The following NUP210L variants were observed in gnomAD, a reference collection of about 807,000 sequenced individuals.
NUP210L encodes the protein nucleoporin 210 like.
In NUP210L, 74 loss-of-function variants were observed where a neutral mutation model predicts 208.5. That is an observed-to-expected ratio of 0.35 (90% CI 0.29 to 0.43). The LOEUF is 0.43. Ranked by LOEUF, NUP210L falls within the 20% of genes least tolerant of loss-of-function variation. The pLI is 1.00. For synonymous variants in NUP210L, 780 were observed against 816.9 expected (o/e 0.95, Z 0.77); for missense variants, 1,843 against 2,289.4 (o/e 0.81, Z 3.98).
At chr1:154,151,933 AC>A (rs1237099942) in intron 2 of NUP210L, among the ~76,000 whole-genome samples, 1 of 151,526 alleles carries the variant, frequency 6.6e-6, no homozygotes, top group Non-Finnish European at 1.5e-5. Flanking sequence ...TACTAAAAAT[AC>A]AAAAATTAGC....
chr1:154,011,608 C>T (rs1650923711), intron 34 of NUP210L, among the ~76,000 whole-genome samples: 1 of 151,102 alleles, frequency 6.6e-6, no homozygotes, highest in African/African-American at 2.4e-5. Context: ...AGCGATCCTC[C>T]CACCACAGCC....
intron 6 of NUP210L, among the ~76,000 whole-genome samples, chr1:154,136,361 A>T (rs888403305): frequency 6.6e-6 from 1 of 152,120 alleles, no homozygotes; most frequent in Admixed American, 6.6e-5. Context: ...CTGATGCAGG[A>T]GAATCGCTTG....
At chr1:154,104,248 TA>T (rs573333406) in intron 12 of NUP210L, 38 bp from the exon 13 acceptor site, 117 of 1,571,020 alleles carry the variant, frequency 7.4e-5, no homozygotes, top group Middle Eastern at 1.9e-4. Flanking sequence ...AAAGTTATGT[TA>T]AAAAAAAGTC....
chr1:154,074,075 C>T (rs185906376), intron 16 of NUP210L, among the ~76,000 whole-genome samples: 2 of 151,492 alleles, frequency 1.3e-5, no homozygotes, highest in African/African-American at 4.8e-5. Context: ...TTTACTTGCA[C>T]ATAATATCAG....
At chr1:154,136,620 A>T (rs1219389274) in intron 6 of NUP210L, among the ~76,000 whole-genome samples, 1 of 151,894 alleles carries the variant, frequency 6.6e-6, no homozygotes, top group African/African-American at 2.4e-5. Context: ...CATACTTTAA[A>T]AGCTCAATGT....
chr1:154,113,724 G>A (rs1354870064), intron 12 of NUP210L, among the ~76,000 whole-genome samples: 1 of 150,270 alleles, frequency 6.7e-6, no homozygotes, highest in Non-Finnish European at 1.5e-5. Context: ...CAGGCGTGGT[G>A]GCACGTGCCT....
intron 37 of NUP210L, among the ~76,000 whole-genome samples, chr1:153,998,553 CAAAAAAA>C (rs566361453): frequency 3.7e-5 from 2 of 53,788 alleles, no homozygotes; most frequent in South Asian, 5.8e-4. Flanking sequence ...GGTTCTGTCT[CAAAAAAA>C]AAAAAAAAAA....
intron 32 of NUP210L, among the ~76,000 whole-genome samples, chr1:154,019,961 TA>T (rs1651465108): frequency 6.6e-6 from 1 of 151,710 alleles, no homozygotes; most frequent in Non-Finnish European, 1.5e-5. Flanking sequence ...AAAGAGAGGG[TA>T]AAAAATACTC....
chr1:153,992,875 T>C, exon 40 of NUP210L: 2 of 1,613,350 alleles, frequency 1.2e-6, no homozygotes, highest in Non-Finnish European at 1.7e-6. Context: ...CAGCCGACTT[T>C]GGGCCAATGG....
At chr1:154,006,966 A>ATATATATATATTT (rs1211789619) in intron 35 of NUP210L, among the ~76,000 whole-genome samples, 2 of 115,810 alleles carry the variant, frequency 1.7e-5, no homozygotes, top group African/African-American at 6.6e-5. Flanking sequence ...ATATATATAT[A>ATATATATATATTT]TTTTTTTTTT....
At chr1:154,146,705 A>G (rs1659133523) in intron 2 of NUP210L, among the ~76,000 whole-genome samples, 1 of 151,256 alleles carries the variant, frequency 6.6e-6, no homozygotes, top group Admixed American at 6.6e-5. Flanking sequence ...AAGGAGAAAC[A>G]GGATACATGA....
intron 33 of NUP210L, 119 bp from the exon 34 acceptor site, chr1:154,012,489 A>G: frequency 1.1e-6 from 1 of 887,506 alleles, no homozygotes; most frequent in Non-Finnish European, 1.7e-6. Context: ...TACAGATTCC[A>G]TCTCATGACC....
chr1:153,995,206 GA>G (rs1281345047), intron 37 of NUP210L, 26 bp from the exon 38 acceptor site: 1 of 1,508,780 alleles, frequency 6.6e-7, no homozygotes, highest in Non-Finnish European at 9.2e-7. Flanking sequence ...AACAAAACAA[GA>G]TAATAGTTAA....
intron 27 of NUP210L, chr1:154,039,815 C>A (rs911106091): frequency 1.3e-5 from 2 of 152,034 alleles, no homozygotes; most frequent in Non-Finnish European, 2.9e-5. Flanking sequence ...TGTTCTATAA[C>A]CTTCTTACAT....
intron 8 of NUP210L, among the ~76,000 whole-genome samples, chr1:154,128,727 G>T (rs1443379182): frequency 6.6e-6 from 1 of 151,908 alleles, no homozygotes; most frequent in Admixed American, 6.6e-5. Flanking sequence ...CGCACCTGTA[G>T]TCCCAGCTAC....
chr1:154,058,965 G>A (rs1322051298), intron 20 of NUP210L, among the ~76,000 whole-genome samples: 2 of 152,146 alleles, frequency 1.3e-5, no homozygotes, highest in Non-Finnish European at 2.9e-5. Flanking sequence ...GAGGCAGGAG[G>A]ATCACTTGAG....
chr1:154,084,974 T>A (rs1655544695), intron 16 of NUP210L, among the ~76,000 whole-genome samples: 1 of 147,984 alleles, frequency 6.8e-6, no homozygotes, highest in Non-Finnish European at 1.5e-5. Flanking sequence ...GGTCTTGAAC[T>A]CCTGACCTTA....
intron 37 of NUP210L, among the ~76,000 whole-genome samples, chr1:153,998,281 G>T (rs116269934): frequency 2.6e-5 from 4 of 152,106 alleles, no homozygotes; most frequent in Non-Finnish European, 5.9e-5. Flanking sequence ...ACGGCCAGGC[G>T]CAGTAACTTA....
chr1:154,032,599 C>T (rs747793367), intron 27 of NUP210L, among the ~76,000 whole-genome samples: 1 of 151,150 alleles, frequency 6.6e-6, no homozygotes, highest in Non-Finnish European at 1.5e-5. Context: ...CTCCCAGGTT[C>T]AAACGACTCT....
Sources: allele counts gnomAD v4.1 joint callset (sites outside exome capture counted in the v4.1 genomes callset), GRCh38; gene constraint gnomAD v4.1.1; transcripts MANE v1.5; gene names NCBI Gene and HGNC (gene_info 2026-07-23, HGNC 2026-07-21).